CLMN: variants seen among roughly 807,000 people sequenced by gnomAD.
CLMN encodes calmin (calponin-like, transmembrane).
In CLMN, 57 loss-of-function variants were observed where a neutral mutation model predicts 92.7. The observed-to-expected ratio is 0.61, with a 90% CI of 0.50 to 0.77. The LOEUF (loss-of-function observed/expected upper bound fraction) is 0.77, where lower values mean the gene tolerates loss of function less well. Among genes scored for constraint, CLMN ranks in the 30% least tolerant of loss-of-function variants. The pLI is 0.00. For synonymous variants in CLMN, 466 were observed against 470.6 expected, an observed-to-expected ratio of 0.99 and a Z score of 0.13; for missense variants, 1,158 against 1,237.5, an observed-to-expected ratio of 0.94 and a Z score of 0.96.
At position 95,281,657 on chromosome 14, in the gene CLMN, T is replaced by C. The variant is rs144061022; in HGVS notation, c.82+38054A>G. Reference sequence around the variant, plus strand: ...ATATTGGAATAGGCTAACAACTCCATATCAGCTTGGTTCCAACAATAGCCC... The same window carrying C: ...ATATTGGAATAGGCTAACAACTCCACATCAGCTTGGTTCCAACAATAGCCC... On this transcript the variant is annotated intron_variant, in intron 1 of 12. Coordinates refer to ENST00000298912, the MANE Select transcript of CLMN (RefSeq NM_024734.4). 2.8e-3 allele frequency among the ~76,000 whole-genome samples: 429 copies of C among 152,350 alleles called. 3 individuals carry two copies. The highest frequency in any genetic ancestry group is 0.01 in the African/African-American group (421 of 41,580).
chr14:95,292,525 C>T (rs928602461), intron 1 of CLMN, among the ~76,000 whole-genome samples: 15 of 147,660 alleles, frequency 1.0e-4, no homozygotes, highest in Admixed American at 6.8e-5. Flanking sequence ...CTTACTGTCT[C>T]CCTTATTGAT....
intron 3 of CLMN, among the ~76,000 whole-genome samples, chr14:95,223,186 A>G (rs1386821978): frequency 6.6e-6 from 1 of 152,336 alleles, no homozygotes; most frequent in East Asian, 1.9e-4. Context: ...ATCTTCCCAT[A>G]GCAAGAAACT....
rs756100008 is a variant in CLMN at position 95,204,149 on chromosome 14, C to G, written c.1200G>C (p.Glu400Asp). The change falls in exon 9 of 13, where the codon GAG becomes GAC. Residue 400 changes from glutamate (E) to aspartate (D), a missense_variant. Glu to Asp is a conservative substitution (Grantham distance 45). Coordinates refer to ENST00000298912, the MANE Select transcript of CLMN (RefSeq NM_024734.4). ...ATAAAATGGAGGATTCTGGAGATGG[C>G]TCACTGATGTCGCTGGTCTTACCTG... ...GGPGKTSDIS[E>D]PSPESSILSS... is the part of the protein sequence containing the mutation. 2 of 1,614,176 alleles carry G rather than the reference C, an allele frequency of 1.2e-6. No homozygotes were observed. The highest frequency in any genetic ancestry group is 1.1e-5 in the South Asian group (1 of 91,076).
At chr14:95,288,486 C>T (rs1356809752) in intron 1 of CLMN, among the ~76,000 whole-genome samples, 1 of 152,198 alleles carries the variant, frequency 6.6e-6, no homozygotes, top group Non-Finnish European at 1.5e-5. Flanking sequence ...ATGGAAACTA[C>T]AGCAGCTGGA....
rs896780591 is a variant in CLMN at position 95,194,147 on chromosome 14, C to T, written c.2770-228G>A. ...GCGAGAGACCCCACCACCCGGAACC[C>T]GGATTGGGGTGTGCTGCTCCGGGTT... On this transcript the variant is annotated intron_variant, in intron 11 of 12. Transcript: ENST00000298912. The surrounding 1 kb of genome is among the most constrained non-coding windows in gnomAD (Gnocchi z 4.0). The T allele has an allele frequency of 7.8e-6, 11 of 1,411,130 alleles. No individual in the cohort carries two copies. The highest frequency in any genetic ancestry group is 3.2e-5 in the South Asian group (2 of 62,244). 87.4% of individuals were successfully genotyped at this position (1,411,130 alleles called of 1,614,324 possible).
chr14:95,258,150 T>C (rs188784394), intron 1 of CLMN, among the ~76,000 whole-genome samples: 1 of 151,688 alleles, frequency 6.6e-6, no homozygotes, highest in Non-Finnish European at 1.5e-5. Context: ...GGATATGATA[T>C]GCGTGTAGTG....
chr14:95,237,937 C>T lies in CLMN; in HGVS notation c.83-7804G>A, dbSNP rs114396432. ...AAGCGTCCTTGGCTCACATCAGCCACGCAATCTCACTCCATCAGCTTGAGC... is the reference window on the plus strand; with the variant it reads ...AAGCGTCCTTGGCTCACATCAGCCATGCAATCTCACTCCATCAGCTTGAGC... On this transcript the variant is annotated intron_variant, in intron 1 of 12. Transcript: ENST00000298912. Among the ~76,000 whole-genome samples the T allele has an allele frequency of 3.3e-3, 500 of 152,312 alleles. 1 individual carries two copies. Among genetic ancestry groups the T allele is most frequent in the African/African-American group, 0.011 (466 of 41,548 alleles).
At position 95,182,585 on chromosome 14, in the gene CLMN, C is replaced by G. The variant is rs540660318; in HGVS notation, c.*8979G>C. On this transcript the variant is annotated 3_prime_UTR_variant, in exon 13 of 13. Coordinates refer to ENST00000298912, the MANE Select transcript of CLMN (RefSeq NM_024734.4). ...CACCACATTCCCTCCCCACAGCTAC[C>G]GCCCCTACCCCAGGGACATTCTACA... 6.6e-6 allele frequency: 1 copy of G among 152,234 alleles called. No homozygotes were observed. The highest frequency in any genetic ancestry group is 1.5e-5 in the Non-Finnish European group (1 of 68,050). The allele number at this position is 152,234 out of a possible 1,614,324, so 9.4% of individuals were successfully genotyped here.
At chr14:95,195,837 G>C (rs1215397737) in intron 10 of CLMN, among the ~76,000 whole-genome samples, 1 of 152,164 alleles carries the variant, frequency 6.6e-6, no homozygotes, top group Admixed American at 6.5e-5. Flanking sequence ...AGGGTCTTCT[G>C]ATTTTCAGCA....
intron 1 of CLMN, among the ~76,000 whole-genome samples, chr14:95,274,598 C>G (rs1159697227): frequency 6.6e-6 from 1 of 152,160 alleles, no homozygotes; most frequent in African/African-American, 2.4e-5. Flanking sequence ...CACGCTGCCT[C>G]GTAAGAACAT....
At chr14:95,283,252 G>C (rs1352121044) in intron 1 of CLMN, among the ~76,000 whole-genome samples, 1 of 152,152 alleles carries the variant, frequency 6.6e-6, no homozygotes, top group Non-Finnish European at 1.5e-5. Flanking sequence ...ATTTTCTCTT[G>C]CTGCTGCCAT....
chr14:95,220,522 C>T (rs909975134), intron 4 of CLMN, among the ~76,000 whole-genome samples: 9 of 152,182 alleles, frequency 5.9e-5, no homozygotes, highest in Non-Finnish European at 1.5e-5. Context: ...GGTGGACAGG[C>T]GGGTTGTTCC....
At chr14:95,217,762 G>A (rs1293155582) in intron 4 of CLMN, among the ~76,000 whole-genome samples, 2 of 152,242 alleles carry the variant, frequency 1.3e-5, no homozygotes, top group East Asian at 1.9e-4. Flanking sequence ...AGTGACAGCT[G>A]TGGCCCTGTA....
intron 1 of CLMN, among the ~76,000 whole-genome samples, chr14:95,279,903 A>G (rs1321353474): frequency 6.6e-6 from 1 of 152,256 alleles, no homozygotes; most frequent in Non-Finnish European, 1.5e-5. Flanking sequence ...ACAGTTTTAC[A>G]TGCAAGGTGT....
intron 1 of CLMN, among the ~76,000 whole-genome samples, chr14:95,269,874 C>T (rs1234835736): frequency 6.6e-6 from 1 of 152,182 alleles, no homozygotes; most frequent in African/African-American, 2.4e-5. Flanking sequence ...ATGAGCTCCT[C>T]CCCCACCCCA....
chr14:95,298,607 A>G (rs531952154), intron 1 of CLMN, among the ~76,000 whole-genome samples: 1 of 152,354 alleles, frequency 6.6e-6, no homozygotes, highest in Admixed American at 6.5e-5. Context: ...CCACCAGGCT[A>G]AGTTAATCTT....
intron 1 of CLMN, among the ~76,000 whole-genome samples, chr14:95,248,885 G>GT (rs1325663181): frequency 6.6e-6 from 1 of 152,062 alleles, no homozygotes; most frequent in Non-Finnish European, 1.5e-5. Flanking sequence ...AAAGTTTTAT[G>GT]TTTTATTTAC....
At chr14:95,221,809 A>C in intron 3 of CLMN, 35 bp from the exon 4 acceptor site, 1 of 1,595,042 alleles carries the variant, frequency 6.3e-7, no homozygotes, top group Non-Finnish European at 8.6e-7. Context: ...AAGCACATTA[A>C]ACCCGCACAG....
intron 9 of CLMN, among the ~76,000 whole-genome samples, chr14:95,198,465 T>C (rs1326409540): frequency 1.3e-5 from 2 of 152,070 alleles, no homozygotes; most frequent in African/African-American, 2.4e-5. Context: ...AAACGGGCTG[T>C]ACCCTCCCCC....
Sources: gnomAD v4.1 joint callset for allele counts (sites outside exome capture counted in the v4.1 genomes callset) on GRCh38, gnomAD v4.1.1 for gene constraint, Gnocchi (gnomAD v3.1) non-coding constraint, MANE v1.5 for transcripts, NCBI Gene and HGNC (gene_info 2026-07-23, HGNC 2026-07-21) for gene names.